The following GRIA3 variants were observed in gnomAD, a reference collection of about 807,000 sequenced individuals.
GRIA3 encodes glutamate ionotropic receptor AMPA type subunit 3.
In GRIA3, 3 loss-of-function variants were observed where a neutral mutation model predicts 63.0. The ratio of observed to expected loss-of-function variants is 0.05; its 90% CI spans 0.02 to 0.12. The LOEUF (loss-of-function observed/expected upper bound fraction) is 0.12, where lower values mean the gene tolerates loss of function less well. GRIA3 is among the 10% of genes least tolerant of loss of function. The probability of loss-of-function intolerance (pLI) is 1.00; values close to 1 mark genes in which losing one functional copy is unlikely to be tolerated. For synonymous variants in GRIA3, 274 were observed against 257.9 expected, an observed-to-expected ratio of 1.06 and a Z score of -0.60; for missense variants, 347 against 700.9, an observed-to-expected ratio of 0.50 and a Z score of 5.70.
chrX:123,352,237 C>G (rs1412531176), intron 4 of GRIA3, among the ~76,000 whole-genome samples: 1 of 111,573 alleles, frequency 9.0e-6, no homozygotes, highest in East Asian at 2.8e-4. Flanking sequence ...TCTGCCACCA[C>G]GTCTGGCTAA....
intron 12 of GRIA3, among the ~76,000 whole-genome samples, chrX:123,430,963 T>C (rs2045614600): frequency 1.8e-5 from 2 of 108,840 alleles, no homozygotes; most frequent in African/African-American, 6.7e-5. Context: ...AGCCTGGCAA[T>C]AGAGTGAGAC....
At chrX:123,325,020 G>A (rs1487234299) in intron 3 of GRIA3, among the ~76,000 whole-genome samples, 1 of 111,921 alleles carries the variant, frequency 8.9e-6, no homozygotes, top group African/African-American at 3.2e-5. Context: ...ACTCCCATTA[G>A]TCATTACTTG....
intron 13 of GRIA3, among the ~76,000 whole-genome samples, chrX:123,468,792 G>C (rs2147436835): frequency 8.9e-6 from 1 of 112,288 alleles, no homozygotes; most frequent in East Asian, 2.8e-4. Context: ...TCGTTAACAT[G>C]AAAATTGACT....
chrX:123,329,059 A>C (rs760182469), intron 4 of GRIA3, among the ~76,000 whole-genome samples: 13 of 111,858 alleles, frequency 1.2e-4, no homozygotes, highest in African/African-American at 3.9e-4. Context: ...CCTGATTGGA[A>C]TGATAGCATT....
chrX:123,424,689 C>G (rs1453864282), intron 11 of GRIA3, among the ~76,000 whole-genome samples: 1 of 111,430 alleles, frequency 9.0e-6, no homozygotes, highest in African/African-American at 3.3e-5. Flanking sequence ...ATGAAAATGA[C>G]CATTTTGCAT....
chrX:123,452,763 A>G (rs1279561437), intron 12 of GRIA3, among the ~76,000 whole-genome samples: 1 of 112,215 alleles, frequency 8.9e-6, no homozygotes, highest in Non-Finnish European at 1.9e-5. Context: ...TAGAAGGCTG[A>G]GGGAAGTGAC....
At chrX:123,261,426 T>C (rs1321834555) in intron 3 of GRIA3, among the ~76,000 whole-genome samples, 1 of 112,096 alleles carries the variant, frequency 8.9e-6, no homozygotes, top group Non-Finnish European at 1.9e-5. Context: ...GTATTTTCCA[T>C]AAGTAGAATA....
At chrX:123,480,555 T>C (rs1273048699) in intron 14 of GRIA3, among the ~76,000 whole-genome samples, 1 of 112,462 alleles carries the variant, frequency 8.9e-6, no homozygotes, top group Admixed American at 9.4e-5. Context: ...GTGACAGTAC[T>C]TTCTCTTAAC....
intron 2 of GRIA3, among the ~76,000 whole-genome samples, chrX:123,231,466 C>T (rs1337785392): frequency 9.0e-6 from 1 of 111,476 alleles, no homozygotes; most frequent in Non-Finnish European, 1.9e-5. Flanking sequence ...CCACTATGTG[C>T]CAGTCATTGT....
intron 4 of GRIA3, among the ~76,000 whole-genome samples, chrX:123,348,861 T>G (rs1012766512): frequency 8.9e-6 from 1 of 112,184 alleles, no homozygotes; most frequent in Non-Finnish European, 1.9e-5. Flanking sequence ...GATGAAGATA[T>G]TCTTAAAATT....
At chrX:123,425,317 C>T (rs1182869099) in intron 11 of GRIA3, among the ~76,000 whole-genome samples, 2 of 111,665 alleles carry the variant, frequency 1.8e-5, no homozygotes, top group Non-Finnish European at 3.8e-5. Flanking sequence ...TAAAATACCT[C>T]TGTTTGCTTA....
intron 2 of GRIA3, among the ~76,000 whole-genome samples, chrX:123,250,460 T>C (rs2044382834): frequency 8.9e-6 from 1 of 112,012 alleles, no homozygotes; most frequent in Non-Finnish European, 1.9e-5. Flanking sequence ...AAGTGGATCA[T>C]GGCTATAGTT....
intron 13 of GRIA3, among the ~76,000 whole-genome samples, chrX:123,469,905 C>T (rs1236499229): frequency 8.9e-6 from 1 of 112,050 alleles, no homozygotes; most frequent in Non-Finnish European, 1.9e-5. Flanking sequence ...TAAAGGGCAC[C>T]AGCTTCGCTT....
intron 2 of GRIA3, 48 bp from the exon 3 acceptor site, chrX:123,253,255 C>A (rs1468857528): frequency 1.7e-6 from 2 of 1,198,657 alleles, no homozygotes; most frequent in Non-Finnish European, 1.1e-6. Flanking sequence ...CAAGTTGCAG[C>A]AAAGGACCAT....
intron 11 of GRIA3, among the ~76,000 whole-genome samples, chrX:123,422,253 A>G: frequency 8.9e-6 from 1 of 112,330 alleles, no homozygotes; most frequent in Non-Finnish European, 1.9e-5. Flanking sequence ...TCATGAGAAA[A>G]ACTGATGGCA....
At chrX:123,267,112 C>T (rs1344657531) in intron 3 of GRIA3, among the ~76,000 whole-genome samples, 1 of 111,551 alleles carries the variant, frequency 9.0e-6, no homozygotes, top group Non-Finnish European at 1.9e-5. Context: ...GCCAATAGTG[C>T]CTGGATTATT....
At chrX:123,248,179 C>T (rs1399378457) in intron 2 of GRIA3, among the ~76,000 whole-genome samples, 1 of 112,542 alleles carries the variant, frequency 8.9e-6, no homozygotes, top group Non-Finnish European at 1.9e-5. Context: ...CCCAATTTTA[C>T]AGATGAAGAA....
chrX:123,469,896 A>G (rs2045853243), intron 13 of GRIA3, among the ~76,000 whole-genome samples: 1 of 112,089 alleles, frequency 8.9e-6, no homozygotes, highest in Non-Finnish European at 1.9e-5. Context: ...AATCTTGGGT[A>G]AAGGGCACCA....
At chrX:123,436,845 G>A (rs1195371278) in intron 12 of GRIA3, among the ~76,000 whole-genome samples, 1 of 110,738 alleles carries the variant, frequency 9.0e-6, no homozygotes, top group Non-Finnish European at 1.9e-5. Context: ...TCATCTAATA[G>A]CCTTCCAGTT....
Sources: allele counts gnomAD v4.1 joint callset (sites outside exome capture counted in the v4.1 genomes callset), GRCh38; gene constraint gnomAD v4.1.1; transcripts MANE v1.5; gene names NCBI Gene and HGNC (gene_info 2026-07-23, HGNC 2026-07-21).